The following NUP210L variants were observed in gnomAD, a reference collection of about 807,000 sequenced individuals.
The protein encoded by NUP210L is nucleoporin 210 like, also known as nuclear pore membrane glycoprotein 210-like.
NUP210L carries 74 observed loss-of-function variants against 208.5 expected under a neutral mutation model. That is an observed-to-expected ratio of 0.35 (90% confidence interval 0.29 to 0.43). NUP210L has a LOEUF of 0.43. Among genes scored for constraint, NUP210L ranks in the 20% least tolerant of loss-of-function variants. The probability of loss-of-function intolerance (pLI) is 1.00; values close to 1 mark genes in which losing one functional copy is unlikely to be tolerated. For missense variants in NUP210L, 1,843 were observed against 2,289.4 expected (o/e 0.81, Z 3.98); for synonymous variants, 780 against 816.9 (o/e 0.95, Z 0.77).
intron 33 of NUP210L, among the ~76,000 whole-genome samples, chr1:154,015,344 G>A (rs1027274394): frequency 3.3e-5 from 5 of 151,706 alleles, no homozygotes; most frequent in East Asian, 1.9e-4. Context: ...CCAGCACTTC[G>A]GGAGGCTGAG....
intron 12 of NUP210L, among the ~76,000 whole-genome samples, chr1:154,114,436 T>C (rs1657211770): frequency 1.3e-5 from 2 of 152,182 alleles, no homozygotes; most frequent in South Asian, 2.1e-4. Context: ...GGAAAACTTA[T>C]CCAGTCCCAA....
chr1:154,053,369 T>C (rs1653630988), intron 25 of NUP210L, among the ~76,000 whole-genome samples: 1 of 152,228 alleles, frequency 6.6e-6, no homozygotes, highest in Admixed American at 6.5e-5. Flanking sequence ...TAGCTCACCA[T>C]GATAAAGCCG....
At chr1:154,067,680 G>T (rs1183483468) in intron 17 of NUP210L, among the ~76,000 whole-genome samples, 1 of 152,156 alleles carries the variant, frequency 6.6e-6, no homozygotes, top group Non-Finnish European at 1.5e-5. Context: ...TGACATGATT[G>T]TATATTTAGA....
At chr1:154,139,690 A>AC (rs373683638) in intron 5 of NUP210L, 112 bp downstream of exon 5, 45,333 of 471,822 alleles carry the variant, frequency 0.096, 17 homozygotes, top group South Asian at 0.12. Context: ...AAACAAACAA[A>AC]AAAAAAAAAA....
Position 154,004,194 on chromosome 1 carries a change from G to A in NUP210L, c.4931-2209C>T, listed in dbSNP as rs371907244. ...CGCCATTCTTCTGCCTCAGCCTCCC[G>A]AGTAGCTGGGACTACAGGTGCCCAC... is the stretch of plus-strand genomic sequence containing the variant. On this transcript the variant is annotated intron_variant, in intron 35 of 39. Coordinates refer to ENST00000368559, the Ensembl canonical transcript of NUP210L. 3.4e-4 allele frequency among the ~76,000 whole-genome samples: 49 copies of A among 144,326 alleles called. No individual in the cohort carries two copies. The South Asian group carries it at 5.0e-3, about 15-fold the overall frequency. 94.7% of individuals were successfully genotyped at this position (144,326 alleles called of 152,430 possible).
chr1:154,032,978 GAAAAGAAAAGA>G (rs1365569136), intron 27 of NUP210L, among the ~76,000 whole-genome samples: 1 of 136,962 alleles, frequency 7.3e-6, no homozygotes, highest in African/African-American at 2.7e-5. Flanking sequence ...GAAAAGAAAA[GAAAAGAAAAGA>G]AAAGAAAGAA....
chr1:154,111,001 G>C (rs1657013367), intron 12 of NUP210L, among the ~76,000 whole-genome samples: 1 of 150,574 alleles, frequency 6.6e-6, no homozygotes, highest in African/African-American at 2.5e-5. Flanking sequence ...ACAAAATGAA[G>C]AGTTGGTTTT....
chr1:154,144,937 C>T (rs756164956), intron 2 of NUP210L, among the ~76,000 whole-genome samples: 1 of 151,978 alleles, frequency 6.6e-6, no homozygotes, highest in East Asian at 1.9e-4. Flanking sequence ...GGTGAAACTC[C>T]GTCTCTATTA....
intron 12 of NUP210L, among the ~76,000 whole-genome samples, chr1:154,109,262 T>C (rs1182827587): frequency 6.6e-6 from 1 of 151,266 alleles, no homozygotes; most frequent in Admixed American, 6.6e-5. Flanking sequence ...TCAGACAAAA[T>C]AGATCTCAGG....
chr1:154,020,578 G>A (rs1651494925), intron 32 of NUP210L, among the ~76,000 whole-genome samples: 2 of 152,184 alleles, frequency 1.3e-5, no homozygotes, highest in African/African-American at 4.8e-5. Context: ...CCAGGCTGGA[G>A]TGCAGTGGTG....
chr1:154,138,265 A>G (rs772213898), intron 5 of NUP210L, 27 bp from the exon 6 acceptor site: 1 of 1,522,598 alleles, frequency 6.6e-7, no homozygotes, highest in East Asian at 2.6e-5. Context: ...AGGAAAAAAA[A>G]AAACAGTTTC....
chr1:154,115,671 T>G (rs1223029524), intron 12 of NUP210L, among the ~76,000 whole-genome samples: 1 of 152,200 alleles, frequency 6.6e-6, no homozygotes, highest in East Asian at 1.9e-4. Flanking sequence ...ACTTTTTTCA[T>G]GTCAATATAT....
intron 14 of NUP210L, among the ~76,000 whole-genome samples, chr1:154,097,013 G>A (rs1000687318): frequency 2.0e-5 from 3 of 152,132 alleles, no homozygotes; most frequent in Non-Finnish European, 2.9e-5. Context: ...CCTAGGGGGT[G>A]GAGGTTGCCG....
chr1:154,062,789 A>G (rs748993711), intron 17 of NUP210L, among the ~76,000 whole-genome samples: 14 of 151,790 alleles, frequency 9.2e-5, no homozygotes, highest in Non-Finnish European at 1.6e-4. Flanking sequence ...TATGTTAACC[A>G]GGCTGGTCTT....
chr1:154,074,032 CGTT>C (rs1176543768), intron 16 of NUP210L, among the ~76,000 whole-genome samples: 3 of 144,468 alleles, frequency 2.1e-5, no homozygotes, highest in African/African-American at 7.6e-5. Context: ...TTTTTTTTGT[CGTT>C]GTTTTTTGTT....
intron 27 of NUP210L, among the ~76,000 whole-genome samples, chr1:154,042,852 C>T (rs945655277): frequency 6.6e-6 from 1 of 151,722 alleles, no homozygotes; most frequent in African/African-American, 2.4e-5. Flanking sequence ...GCTGGGATTA[C>T]AGGTGCATGC....
At chr1:154,068,444 G>A (rs1654524284) in intron 17 of NUP210L, among the ~76,000 whole-genome samples, 1 of 152,166 alleles carries the variant, frequency 6.6e-6, no homozygotes, top group Non-Finnish European at 1.5e-5. Flanking sequence ...CACTTTGGGA[G>A]GCCGAGGAGG....
At chr1:154,099,877 G>A in intron 14 of NUP210L, 121 bp downstream of exon 14, 2 of 1,027,540 alleles carry the variant, frequency 1.9e-6, no homozygotes, top group Non-Finnish European at 2.9e-6. Flanking sequence ...AAAGTGGCAA[G>A]TAAAGAGAAC....
At chr1:154,025,274 T>C (rs1651808440) in intron 30 of NUP210L, among the ~76,000 whole-genome samples, 4 of 151,948 alleles carry the variant, frequency 2.6e-5, no homozygotes, top group Admixed American at 2.6e-4. Flanking sequence ...ATTTTAATTT[T>C]ATGGCTTATA....
Sources: gnomAD v4.1 joint callset for allele counts (sites outside exome capture counted in the v4.1 genomes callset) on GRCh38, gnomAD v4.1.1 for gene constraint, MANE v1.5 for transcripts, NCBI Gene and HGNC (gene_info 2026-07-23, HGNC 2026-07-21) for gene names.